Variants in SYK observed in about 807,000 individuals in gnomAD.
SYK encodes tyrosine-protein kinase SYK.
A neutral mutation model predicts 77.8 loss-of-function variants in SYK; 16 were observed. The observed-to-expected ratio is 0.21, with a 90% confidence interval of 0.14 to 0.31. The LOEUF is 0.31. SYK is among the 10% of genes least tolerant of loss of function. SYK has a pLI of 1.00. For synonymous variants in SYK, 312 were observed against 308.7 expected, an observed-to-expected ratio of 1.01 and a Z score of -0.11; for missense variants, 529 against 814.4, an observed-to-expected ratio of 0.65 and a Z score of 4.26.
chr9:90,816,030 C>A (rs1366688230), intron 1 of SYK, among the ~76,000 whole-genome samples: 1 of 152,230 alleles, frequency 6.6e-6, no homozygotes, highest in Non-Finnish European at 1.5e-5. Flanking sequence ...TGCAGAACCA[C>A]TGTTCTCAGC....
chr9:90,817,602 A>C (rs900581459), intron 1 of SYK, among the ~76,000 whole-genome samples: 39 of 152,018 alleles, frequency 2.6e-4, no homozygotes, highest in African/African-American at 9.4e-4. Flanking sequence ...ATTTTAACCA[A>C]GTGATTATTC....
rs1829016203 is a variant in SYK at position 90,897,009 on chromosome 9, A to C, written c.*1409A>C. The C allele has an allele frequency of 4.8e-6, 1 of 207,220 alleles. No individual in the cohort carries two copies. Among genetic ancestry groups the C allele is most frequent in the Non-Finnish European group, 9.8e-6 (1 of 101,544 alleles). The allele number at this position is 207,220 out of a possible 1,614,324, so 12.8% of individuals were successfully genotyped here. On this transcript the variant is annotated 3_prime_UTR_variant, in exon 14 of 14. Transcript: ENST00000375754. The stretch of plus-strand genomic sequence containing the variant: ...GCCACTGCACTCCAGCTTGGGCATC[A>C]CAGCGAGACTCTGTCAAAACAAACA...
In SYK at chr9:90,862,355, T is replaced by C; in HGVS notation, c.717+11T>C. On this transcript the variant is annotated intron_variant, in intron 4 of 13. Coordinates refer to ENST00000375754, the MANE Select transcript of SYK (RefSeq NM_003177.7). Reference sequence around the variant, plus strand: ...GACACGCTCTGGCAGGTACCCAGCCTCCTCTCCCCACCTTGTGGGTAGAGT... The same window carrying C: ...GACACGCTCTGGCAGGTACCCAGCCCCCTCTCCCCACCTTGTGGGTAGAGT... 1 of 1,612,302 alleles carries C rather than the reference T, an allele frequency of 6.2e-7. No individual in the cohort carries two copies. The highest frequency in any genetic ancestry group is 1.1e-5 in the South Asian group (1 of 90,802).
intron 1 of SYK, among the ~76,000 whole-genome samples, chr9:90,806,982 A>AC (rs3838337): frequency 0.23 from 35,584 of 152,146 alleles, 4,211 homozygotes; most frequent in Middle Eastern, 0.35. Flanking sequence ...CCTGAAGTGG[A>AC]ACTGCAGTGC....
At chr9:90,855,007 T>TACAGACACACACAC (rs769425530) in intron 3 of SYK, among the ~76,000 whole-genome samples, 1 of 42,046 alleles carries the variant, frequency 2.4e-5, no homozygotes. Context: ...CACACACACA[T>TACAGACACACACAC]ACATACACAC....
chr9:90,859,555 C>A (rs55935711), intron 3 of SYK, among the ~76,000 whole-genome samples: 167 of 152,356 alleles, frequency 1.1e-3, no homozygotes, highest in Non-Finnish European at 2.0e-3. Flanking sequence ...ACAGATGAAG[C>A]TGCTATAAGT....
chr9:90,803,938 GAATA>G (rs1417045992), intron 1 of SYK, among the ~76,000 whole-genome samples: 1 of 151,118 alleles, frequency 6.6e-6, no homozygotes, highest in Non-Finnish European at 1.5e-5. Context: ...TCACTAAGTG[GAATA>G]AATAAAGACT....
intron 1 of SYK, among the ~76,000 whole-genome samples, chr9:90,828,251 C>T (rs962314172): frequency 1.5e-5 from 2 of 130,550 alleles, no homozygotes; most frequent in African/African-American, 2.8e-5. Context: ...CCCCCCGCCC[C>T]GCCCAGGCCT....
At chr9:90,852,315 G>A (rs547021870) in intron 3 of SYK, among the ~76,000 whole-genome samples, 14 of 152,274 alleles carry the variant, frequency 9.2e-5, no homozygotes, top group Non-Finnish European at 1.6e-4. Context: ...GCTCCTCTTG[G>A]TCTGGAGGAG....
chr9:90,831,541 T>C (rs290217), intron 1 of SYK, among the ~76,000 whole-genome samples: 15,985 of 152,130 alleles, frequency 0.11, 1,298 homozygotes, highest in East Asian at 0.45. Flanking sequence ...ATGGATGAGG[T>C]TGGGTCTTTT....
At chr9:90,860,023 CTG>C (rs1231782805) in intron 3 of SYK, among the ~76,000 whole-genome samples, 1 of 152,150 alleles carries the variant, frequency 6.6e-6, no homozygotes, top group African/African-American at 2.4e-5. Context: ...GCGTCTCACT[CTG>C]TTGCCCAGGC....
At chr9:90,839,938 C>T (rs74539666) in intron 1 of SYK, among the ~76,000 whole-genome samples, 21,602 of 151,938 alleles carry the variant, frequency 0.14, 1,716 homozygotes, top group Admixed American at 0.24. Context: ...GTGGACTGGG[C>T]ATGTTGGAAT....
At chr9:90,827,071 T>C (rs1825688071) in intron 1 of SYK, among the ~76,000 whole-genome samples, 1 of 152,020 alleles carries the variant, frequency 6.6e-6, no homozygotes, top group Admixed American at 6.6e-5. Flanking sequence ...ATTTGATACA[T>C]GTTATGATGT....
intron 1 of SYK, among the ~76,000 whole-genome samples, chr9:90,842,505 G>A (rs1826405428): frequency 6.6e-6 from 1 of 151,018 alleles, no homozygotes; most frequent in East Asian, 2.0e-4. Context: ...GTATGTGTGT[G>A]GGGTAGTGTG....
At chr9:90,860,578 A>G (rs1827217613) in intron 3 of SYK, among the ~76,000 whole-genome samples, 1 of 151,970 alleles carries the variant, frequency 6.6e-6, no homozygotes, top group Non-Finnish European at 1.5e-5. Context: ...CACAGTGGGG[A>G]GGTTTCAGCA....
intron 3 of SYK, among the ~76,000 whole-genome samples, chr9:90,853,736 G>A (rs1050332832): frequency 8.5e-5 from 13 of 152,236 alleles, no homozygotes; most frequent in Non-Finnish European, 8.8e-5. Flanking sequence ...TGGGAGGAGC[G>A]GGGAGGGATA....
chr9:90,806,597 T>C lies in SYK; in HGVS notation c.-42+4704T>C, dbSNP rs201832224. On this transcript the variant is annotated intron_variant, in intron 1 of 13. Coordinates refer to ENST00000375754, the MANE Select transcript of SYK (RefSeq NM_003177.7). The stretch of plus-strand genomic sequence containing the variant: ...AAATTGCTTATCATACTCTTTGTTG[T>C]AACATCTGTGGCATTAATATGCCTC... Among the ~76,000 whole-genome samples the C allele has an allele frequency of 5.3e-5, 8 of 152,370 alleles. No individual in the cohort carries two copies. In the East Asian group the frequency reaches 1.5e-3, roughly 29 times the overall value.
At position 90,895,711 on chromosome 9, in the gene SYK, G is replaced by C; in HGVS notation, c.*111G>C. ...TCCCTCTGCCAGTCGGGAGAGCCAG[G>C]CTTGGATGGAACATGCCCACAACTT... On this transcript the variant is annotated 3_prime_UTR_variant, in exon 14 of 14. Coordinates refer to ENST00000375754, the MANE Select transcript of SYK (RefSeq NM_003177.7). The surrounding 1 kb of genome is among the most constrained non-coding windows in gnomAD (Gnocchi z 4.4). 3 of 1,024,178 alleles carry C rather than the reference G, an allele frequency of 2.9e-6. No homozygotes were observed. Among genetic ancestry groups the C allele is most frequent in the Non-Finnish European group, 4.4e-6 (3 of 676,050 alleles). The allele number at this position is 1,024,178 out of a possible 1,614,324, so 63.4% of individuals were successfully genotyped here. A position where few individuals can be genotyped will look rare whatever the true frequency, so the allele number is the denominator to read the frequency against.
At chr9:90,813,504 C>T (rs62559063) in intron 1 of SYK, among the ~76,000 whole-genome samples, 21,307 of 152,150 alleles carry the variant, frequency 0.14, 1,733 homozygotes, top group Middle Eastern at 0.22. Context: ...GACCAGGCCT[C>T]GGGGTCTAGA....
Sources: gnomAD v4.1 joint callset for allele counts (sites outside exome capture counted in the v4.1 genomes callset) on GRCh38, gnomAD v4.1.1 for gene constraint, Gnocchi (gnomAD v3.1) non-coding constraint, MANE v1.5 for transcripts, NCBI Gene and HGNC (gene_info 2026-07-23, HGNC 2026-07-21) for gene names.